The following ITGA7 variants were observed in gnomAD, a reference collection of about 807,000 sequenced individuals.
ITGA7 encodes the protein integrin subunit alpha 7.
Under a neutral mutation model 131.6 loss-of-function variants are expected in ITGA7, and 84 were observed. The ratio of observed to expected loss-of-function variants is 0.64; its 90% CI spans 0.54 to 0.77. ITGA7 has a LOEUF of 0.77. Ranked by LOEUF, ITGA7 falls within the 30% of genes least tolerant of loss-of-function variation. ITGA7 has a pLI of 0.00. For missense variants in ITGA7, 1,399 were observed against 1,482.9 expected, an observed-to-expected ratio of 0.94 and a Z score of 0.93; for synonymous variants, 548 against 600.7, an observed-to-expected ratio of 0.91 and a Z score of 1.28.
At chr12:55,685,348 T>G in intron 24 of ITGA7, 60 bp from the exon 25 acceptor site, 1 of 1,475,540 alleles carries the variant, frequency 6.8e-7, no homozygotes, top group Non-Finnish European at 9.4e-7. Context: ...CTGGAGCAGA[T>G]GCCTAGCGCG....
intron 11 of ITGA7, 44 bp from the exon 12 acceptor site, chr12:55,697,112 G>C (rs967479669): frequency 6.3e-7 from 1 of 1,599,932 alleles, no homozygotes; most frequent in Non-Finnish European, 8.5e-7. Flanking sequence ...CTGCAGAGCT[G>C]CTCCAGCTCA....
chr12:55,711,987 C>G (rs2136121199), upstream of ITGA7: 2 of 1,191,394 alleles, frequency 1.7e-6, no homozygotes, highest in South Asian at 1.3e-5. Context: ...GGCAACAGAG[C>G]CTTGGAGCTT....
chr12:55,694,561 T>C lies in ITGA7; in HGVS notation c.2278-39A>G. ...GGAAAGAGATTAGAGTCAGGGGTGG[T>C]CTACGGGCTTATGGAGAGGCTACTC... On this transcript the variant is annotated intron_variant, in intron 16 of 24. Transcript: ENST00000257879. The surrounding 1 kb of genome is among the most constrained non-coding windows in gnomAD (Gnocchi z 5.3). The C allele has an allele frequency of 6.2e-7, 1 of 1,613,244 alleles. No individual in the cohort carries two copies. Among genetic ancestry groups the C allele is most frequent in the Non-Finnish European group, 8.5e-7 (1 of 1,179,202 alleles).
upstream of ITGA7, among the ~76,000 whole-genome samples, chr12:55,714,413 G>A (rs1876353997): frequency 6.6e-6 from 1 of 151,472 alleles, no homozygotes; most frequent in East Asian, 1.9e-4. Context: ...AGCTACTTGG[G>A]AGGCTGAGGC....
upstream of ITGA7, chr12:55,708,085 C>G (rs1365016838): frequency 1.0e-6 from 1 of 959,634 alleles, no homozygotes; most frequent in African/African-American, 1.8e-5. Context: ...AGCACCGTCT[C>G]CGGCTCCGCC....
In ITGA7 at chr12:55,697,251, TA is replaced by T; in HGVS notation, c.1531del (p.Tyr511ThrfsTer18). On this transcript the variant is annotated frameshift_variant, in exon 11 of 25. Transcript: ENST00000257879. LOFTEE classifies it high-confidence loss of function. ...GCTATAGCTGCTGGGGACTGCAATGTAGCTGAAACAGACCCTTAGGTCCACA... is the reference window on the plus strand; with the variant it reads ...GCTATAGCTGCTGGGGACTGCAATGTGCTGAAACAGACCCTTAGGTCCACA... Reference protein sequence around the residue: ...VCVDLRVCFSYIAVPSSYSPT... With the variant: ...VCVDLRVCFSXIAVPSSYSPT... 6.3e-7 allele frequency: 1 copy of T among 1,598,656 alleles called. No individual in the cohort carries two copies. Among genetic ancestry groups the T allele is most frequent in the Non-Finnish European group, 8.5e-7 (1 of 1,172,814 alleles).
At chr12:55,685,954 A>G (rs1870020945) in intron 24 of ITGA7, among the ~76,000 whole-genome samples, 1 of 152,176 alleles carries the variant, frequency 6.6e-6, no homozygotes, top group Non-Finnish European at 1.5e-5. Flanking sequence ...AAAAGCATGC[A>G]TGCGACCTCC....
upstream of ITGA7, among the ~76,000 whole-genome samples, chr12:55,714,517 CAAA>C (rs35046301): frequency 1.7e-5 from 2 of 120,482 alleles, no homozygotes; most frequent in African/African-American, 8.3e-5. Context: ...GACTCCGTCT[CAAA>C]AAAAAAAATA....
At position 55,688,203 on chromosome 12, in the gene ITGA7, A is replaced by G; in HGVS notation, c.3056T>C (p.Val1019Ala). The G allele has an allele frequency of 6.2e-7, 1 of 1,613,960 alleles. No homozygotes were observed. Residue 1019 changes from valine (V) to alanine (A), a missense_variant and splice_region_variant, in exon 23 of 25, where the codon GTG becomes GCG. Coordinates refer to ENST00000257879, the MANE Select transcript of ITGA7 (RefSeq NM_002206.3). ...KNLMLRDAST[V>A]IPVMVYLDPM... ...CTATCCCCCAACCCTGCAGCTCACC[A>G]CTGTGGAGGCATCTCGGAGCATCAA...
At chr12:55,714,720 ATATACATACATATATACACATATATACG>A (rs1411259926), upstream of ITGA7, among the ~76,000 whole-genome samples, 358 of 140,092 alleles carry the variant, frequency 2.6e-3, 3 homozygotes, top group East Asian at 0.034. Context: ...ACATATATAC[ATATACATACATATATACACATATATACG>A]TATACATACA....
chr12:55,701,911 C>G (rs1874101388), intron 3 of ITGA7, among the ~76,000 whole-genome samples: 2 of 152,302 alleles, frequency 1.3e-5, no homozygotes, highest in South Asian at 4.1e-4. Context: ...TTAACATGAA[C>G]CAGATTCTGC....
chr12:55,687,884 G>C, intron 24 of ITGA7, 87 bp downstream of exon 24: 1 of 1,561,826 alleles, frequency 6.4e-7, no homozygotes, highest in Non-Finnish European at 8.8e-7. Flanking sequence ...ATACATGAGT[G>C]TGTGGGTGGG....
Position 55,703,270 on chromosome 12 carries a change from TACTAAAGAGAGTGTTCAAGG to T in ITGA7, c.207-112_207-93del, listed in dbSNP as rs994037825. On this transcript the variant is annotated intron_variant, in intron 1 of 24. Coordinates refer to ENST00000257879, the MANE Select transcript of ITGA7 (RefSeq NM_002206.3). Reference sequence around the variant, plus strand: ...GAGCTGCCCAGGCCCAACCCCTCAGTACTAAAGAGAGTGTTCAAGGACTAAAGAGAAGGGGCAAATGTCAG... The same window carrying T: ...GAGCTGCCCAGGCCCAACCCCTCAGTACTAAAGAGAAGGGGCAAATGTCAG... The T allele has an allele frequency of 6.5e-6, 9 of 1,384,674 alleles. No individual in the cohort carries two copies. In the Admixed American group the frequency reaches 2.0e-4, roughly 30 times the overall value. 85.8% of individuals were successfully genotyped at this position (1,384,674 alleles called of 1,614,324 possible). A position where few individuals can be genotyped will look rare whatever the true frequency, so the allele number is the denominator to read the frequency against.
chr12:55,696,819 G>A (rs55724937), intron 12 of ITGA7, 80 bp downstream of exon 12: 353 of 1,542,108 alleles, frequency 2.3e-4, no homozygotes, highest in East Asian at 1.6e-3. Context: ...GTGTGCTCGG[G>A]AAAAAGCAGC....
chr12:55,689,067 T>G, intron 21 of ITGA7, 110 bp from the exon 22 acceptor site: 1 of 787,270 alleles, frequency 1.3e-6, no homozygotes, highest in Non-Finnish European at 2.2e-6. Flanking sequence ...CCAGGAAGTC[T>G]TCTCAAACTA....
In ITGA7 at chr12:55,692,845, A is replaced by G. The variant is rs1207536526; in HGVS notation, c.2843T>C (p.Leu948Pro). ...SSAEKKKNITLDCARGTANCV... is the reference protein window; with the variant it reads ...SSAEKKKNITPDCARGTANCV... ...GCACCGAGTCTGGCCTGCCCTCACC[A>G]GGGTGATGTTTTTCTTCTTCTCAGC... The change falls in exon 21 of 25, where the codon CTG becomes CCG. Residue 948 changes from leucine (L) to proline (P), a missense_variant and splice_region_variant. Coordinates refer to ENST00000257879, the MANE Select transcript of ITGA7 (RefSeq NM_002206.3). The G allele has an allele frequency of 5.6e-6, 9 of 1,609,860 alleles. No homozygotes were observed. Among genetic ancestry groups the G allele is most frequent in the African/African-American group, 1.3e-5 (1 of 74,832 alleles).
intron 3 of ITGA7, 68 bp downstream of exon 3, chr12:55,702,804 G>A: frequency 1.5e-6 from 2 of 1,331,004 alleles, no homozygotes; most frequent in Non-Finnish European, 1.1e-6. Context: ...CTATGCGTAT[G>A]CACACACCAT....
chr12:55,712,076 G>T, upstream of ITGA7: 1 of 1,551,434 alleles, frequency 6.4e-7, no homozygotes, highest in Non-Finnish European at 8.7e-7. Flanking sequence ...TCCAGCACTG[G>T]AATCCTTCTG....
intron 21 of ITGA7, among the ~76,000 whole-genome samples, chr12:55,692,109 G>C (rs1367117963): frequency 1.3e-5 from 2 of 152,148 alleles, no homozygotes; most frequent in Admixed American, 1.3e-4. Context: ...TTAATTATTA[G>C]AACTTTTAGA....
Sources: allele counts gnomAD v4.1 joint callset (sites outside exome capture counted in the v4.1 genomes callset), GRCh38; gene constraint gnomAD v4.1.1; non-coding constraint Gnocchi (gnomAD v3.1); transcripts MANE v1.5; gene names NCBI Gene and HGNC (gene_info 2026-07-23, HGNC 2026-07-21).